The following EFCAB10 variants were observed in gnomAD, a reference collection of about 807,000 sequenced individuals.
The protein encoded by EFCAB10 is EF-hand calcium-binding domain-containing protein 10.
EFCAB10 carries 7 observed loss-of-function variants against 7.7 expected under a neutral mutation model. That is an observed-to-expected ratio of 0.91 (90% CI 0.52 to 1.72). The LOEUF is 1.72. EFCAB10 is among the 40% of genes most tolerant of loss of function. The pLI, the probability that EFCAB10 is intolerant of heterozygous loss-of-function variation, is 0.00. For missense variants in EFCAB10, 112 were observed against 61.5 expected (o/e 1.82, Z -2.74); for synonymous variants, 52 against 21.0 (o/e 2.47, Z -4.03).
intron 1 of EFCAB10, among the ~76,000 whole-genome samples, chr7:105,579,421 G>A (rs1792168649): frequency 6.6e-6 from 1 of 152,028 alleles, no homozygotes; most frequent in Non-Finnish European, 1.5e-5. Flanking sequence ...GAGGACAGCT[G>A]TACTGTGGCA....
chr7:105,581,003 T>G (rs1792218948), intron 1 of EFCAB10, among the ~76,000 whole-genome samples: 1 of 152,186 alleles, frequency 6.6e-6, no homozygotes, highest in South Asian at 2.1e-4. Flanking sequence ...GCAGATCACC[T>G]GAGGTCAGGA....
At position 105,565,435 on chromosome 7, in the gene EFCAB10, T is replaced by C. The variant is rs747097541; in HGVS notation, c.*12A>G. Reference sequence around the variant, plus strand: ...TTCTGGCAAATGCTTGTAGAGAAGCTGGATGTATACATCTACCAAGAAGTA... The same window carrying C: ...TTCTGGCAAATGCTTGTAGAGAAGCCGGATGTATACATCTACCAAGAAGTA... On this transcript the variant is annotated 3_prime_UTR_variant, in exon 5 of 5. Coordinates refer to ENST00000480514, the MANE Select transcript of EFCAB10 (RefSeq NM_001355526.2). 1.9e-6 allele frequency: 3 copies of C among 1,614,178 alleles called. No individual in the cohort carries two copies. The highest frequency in any genetic ancestry group is 1.7e-5 in the Admixed American group (1 of 60,010).
At chr7:105,577,186 T>G (rs994113517) in intron 1 of EFCAB10, among the ~76,000 whole-genome samples, 2 of 152,258 alleles carry the variant, frequency 1.3e-5, no homozygotes, top group Non-Finnish European at 2.9e-5. Flanking sequence ...CTTTATCTGC[T>G]TAGGTTCTTT....
chr7:105,581,489 C>T lies in EFCAB10; in HGVS notation c.-26G>A, dbSNP rs1792237670. On this transcript the variant is annotated 5_prime_UTR_variant, in exon 1 of 5. Transcript: ENST00000480514. ...CGCTCCGCGTCCCGCTGTTGCTAGG[C>T]GACTGCCTGGCGTCTCAGCCGTGCG... The T allele has an allele frequency of 1.4e-6, 1 of 702,648 alleles. No individual in the cohort carries two copies. Among genetic ancestry groups the T allele is most frequent in the Non-Finnish European group, 2.6e-6 (1 of 384,694 alleles). 43.5% of individuals were successfully genotyped at this position (702,648 alleles called of 1,614,324 possible). A position where few individuals can be genotyped will look rare whatever the true frequency, so the allele number is the denominator to read the frequency against.
At chr7:105,567,156 G>C in intron 4 of EFCAB10, 1 of 1,586,006 alleles carries the variant, frequency 6.3e-7, no homozygotes, top group South Asian at 1.2e-5. Flanking sequence ...TTTGAACGTC[G>C]GTTCTGCACT....
At chr7:105,570,576 ATTTTTT>A (rs949477484) in intron 1 of EFCAB10, among the ~76,000 whole-genome samples, 7 of 146,824 alleles carry the variant, frequency 4.8e-5, no homozygotes, top group African/African-American at 1.7e-4. Context: ...TTACTCTTAC[ATTTTTT>A]TTTTTAAGTT....
intron 1 of EFCAB10, chr7:105,572,443 T>G (rs1365830350): frequency 6.6e-6 from 1 of 152,224 alleles, no homozygotes; most frequent in Non-Finnish European, 1.5e-5. Context: ...CATGGACACT[T>G]AGGCTGATTG....
Position 105,565,619 on chromosome 7 carries a change from T to C in EFCAB10, c.*-172A>G, listed in dbSNP as rs1791689316. ...ATCTTTTCCCTTTGTTTTCTCACTA[T>C]TGCAAGAGACCAGAAAATTATTTTA... is the stretch of plus-strand genomic sequence containing the variant. On this transcript the variant is annotated intron_variant, in intron 4 of 4. Coordinates refer to ENST00000480514, the MANE Select transcript of EFCAB10 (RefSeq NM_001355526.2). 6.2e-7 allele frequency: 1 copy of C among 1,611,894 alleles called. No individual in the cohort carries two copies. Among genetic ancestry groups the C allele is most frequent in the Middle Eastern group, 1.7e-4 (1 of 5,860 alleles).
chr7:105,578,281 A>G (rs1324656560), intron 1 of EFCAB10, among the ~76,000 whole-genome samples: 1 of 152,206 alleles, frequency 6.6e-6, no homozygotes, highest in African/African-American at 2.4e-5. Flanking sequence ...AAATGTAAGT[A>G]TAAGTCAGTG....
chr7:105,569,602 T>A, intron 1 of EFCAB10, 31 bp from the exon 2 acceptor site: 1 of 678,212 alleles, frequency 1.5e-6, no homozygotes, highest in Non-Finnish European at 2.7e-6. Context: ...CTCTTTCTGA[T>A]ACGAAATTAA....
At chr7:105,574,976 ATAGTGGTGCGTGCCTGTAATCCCAGCTAC>A (rs1792039714) in intron 1 of EFCAB10, among the ~76,000 whole-genome samples, 1 of 150,830 alleles carries the variant, frequency 6.6e-6, no homozygotes, top group Non-Finnish European at 1.5e-5. Context: ...TTAGCCAGGC[ATAGTGGTGCGTGCCTGTAATCCCAGCTAC>A]TCAGGAGGCT....
At chr7:105,567,095 CCCT>C in intron 4 of EFCAB10, 1 of 1,430,076 alleles carries the variant, frequency 7.0e-7, no homozygotes, top group Non-Finnish European at 9.3e-7. Context: ...GATCTCATTT[CCCT>C]CCTTTGTTTT....
At chr7:105,578,692 A>G (rs1036510892) in intron 1 of EFCAB10, among the ~76,000 whole-genome samples, 4 of 152,214 alleles carry the variant, frequency 2.6e-5, no homozygotes, top group Admixed American at 6.5e-5. Flanking sequence ...AATTCTTCAG[A>G]GCAACATGAG....
chr7:105,568,078 T>C (rs1463888130), intron 3 of EFCAB10, among the ~76,000 whole-genome samples: 2 of 152,198 alleles, frequency 1.3e-5, no homozygotes, highest in Admixed American at 1.3e-4. Context: ...CTATTTTAAA[T>C]GCTTCCTAGT....
Position 105,567,151 on chromosome 7 carries a change from A to T in EFCAB10, c.383+316T>A, listed in dbSNP as rs1586278310. The T allele has an allele frequency of 3.2e-6, 5 of 1,582,804 alleles. No individual in the cohort carries two copies. The highest frequency in any genetic ancestry group is 4.3e-6 in the Non-Finnish European group (5 of 1,169,174). ...GAAGCCTGTATTGTTTTGAATTTGA[A>T]CGTCGGTTCTGCACTACTGCTGAAA... On this transcript the variant is annotated intron_variant, in intron 4 of 4. Transcript: ENST00000480514.
At chr7:105,580,188 T>C (rs796360360) in intron 1 of EFCAB10, among the ~76,000 whole-genome samples, 13 of 152,248 alleles carry the variant, frequency 8.5e-5, no homozygotes, top group African/African-American at 3.1e-4. Context: ...GGTTTTGCCA[T>C]GTTGCCCAGG....
At chr7:105,568,769 T>C (rs752952530) in intron 3 of EFCAB10, among the ~76,000 whole-genome samples, 3 of 152,124 alleles carry the variant, frequency 2.0e-5, no homozygotes, top group Non-Finnish European at 4.4e-5. Flanking sequence ...GCCAACATGA[T>C]GAAACCCTGA....
chr7:105,567,114 AACAGTATAAAAG>A, intron 4 of EFCAB10: 1 of 1,524,458 alleles, frequency 6.6e-7, no homozygotes, highest in Non-Finnish European at 8.8e-7. Flanking sequence ...GTTTTCCCTA[AACAGTATAAAAG>A]AAGCCTGTAT....
intron 1 of EFCAB10, among the ~76,000 whole-genome samples, chr7:105,570,630 G>T (rs1306448243): frequency 6.6e-6 from 1 of 151,400 alleles, no homozygotes. Flanking sequence ...GACCAGTCTC[G>T]AGCTCATGGG....
Sources: gnomAD v4.1 joint callset for allele counts (sites outside exome capture counted in the v4.1 genomes callset) on GRCh38, gnomAD v4.1.1 for gene constraint, MANE v1.5 for transcripts, NCBI Gene and HGNC (gene_info 2026-07-23, HGNC 2026-07-21) for gene names.